The following TNRC6A variants were observed in gnomAD, a reference collection of about 807,000 sequenced individuals.
TNRC6A encodes the protein trinucleotide repeat containing adaptor 6A.
TNRC6A carries 44 observed loss-of-function variants against 221.2 expected under a neutral mutation model. The observed-to-expected ratio is 0.20, with a 90% CI of 0.16 to 0.26. TNRC6A has a LOEUF of 0.26. Ranked by LOEUF, TNRC6A falls within the 10% of genes least tolerant of loss-of-function variation. The pLI is 1.00. For missense variants in TNRC6A, 2,199 were observed against 2,404.4 expected (o/e 0.91, Z 1.79); for synonymous variants, 847 against 838.5 (o/e 1.01, Z -0.18).
intron 9 of TNRC6A, chr16:24,796,220 G>A: frequency 5.5e-6 from 2 of 362,754 alleles, no homozygotes; most frequent in Non-Finnish European, 9.9e-6. Context: ...AGAATTTTTA[G>A]GAAGAAGTGA....
chr16:24,712,328 T>G (rs2056220617), intron 2 of TNRC6A, among the ~76,000 whole-genome samples: 1 of 152,180 alleles, frequency 6.6e-6, no homozygotes, highest in Non-Finnish European at 1.5e-5. Flanking sequence ...TTGTGTTATT[T>G]TGCTGGTTGG....
chr16:24,781,995 T>C (rs2057859680), intron 5 of TNRC6A, among the ~76,000 whole-genome samples: 1 of 152,110 alleles, frequency 6.6e-6, no homozygotes, highest in Non-Finnish European at 1.5e-5. Context: ...GCTAATTTTT[T>C]GTATTTTTAG....
rs1567483473 is a variant in TNRC6A at position 24,791,542 on chromosome 16, G to C, written c.2900G>C (p.Gly967Ala). Residue 967 changes from glycine to alanine, a missense_variant, in exon 6 of 25, where the codon GGT becomes GCT. By Grantham distance (60) the Gly-to-Ala change is moderately conservative (BLOSUM62 0). Around this residue, in one of 8 missense-constraint regions of TNRC6A, gnomAD observed 1,405 missense variants for 1,400.2 expected, o/e 1.00. Coordinates refer to ENST00000395799, the MANE Select transcript of TNRC6A (RefSeq NM_014494.4). ...CCACCAGCTACAGGCAAACCTCCTGGTACAGGCTGGCTGGGGGGACCTATA... is the reference window on the plus strand; with the variant it reads ...CCACCAGCTACAGGCAAACCTCCTGCTACAGGCTGGCTGGGGGGACCTATA... ...GIPPATGKPP[G>A]TGWLGGPIPA... 1.3e-6 allele frequency: 2 copies of C among 1,545,146 alleles called. No homozygotes were observed. Among genetic ancestry groups the C allele is most frequent in the Non-Finnish European group, 1.7e-6 (2 of 1,150,706 alleles).
intron 3 of TNRC6A, among the ~76,000 whole-genome samples, chr16:24,755,412 G>A (rs898492070): frequency 6.6e-6 from 1 of 152,238 alleles, no homozygotes; most frequent in South Asian, 2.1e-4. Flanking sequence ...GATAGCAGCC[G>A]CCAGCGCCAC....
intron 4 of TNRC6A, among the ~76,000 whole-genome samples, chr16:24,758,830 G>A (rs1432253875): frequency 2.0e-5 from 3 of 151,934 alleles, no homozygotes; most frequent in African/African-American, 7.3e-5. Flanking sequence ...ATAGTAGATT[G>A]CAAACCTTAC....
intron 2 of TNRC6A, among the ~76,000 whole-genome samples, chr16:24,680,636 G>T (rs1440432819): frequency 1.3e-5 from 2 of 149,514 alleles, no homozygotes; most frequent in Non-Finnish European, 3.0e-5. Flanking sequence ...AGAATCACTT[G>T]AACCTGGAGG....
chr16:24,808,250 G>A (rs1402254584), intron 17 of TNRC6A, among the ~76,000 whole-genome samples: 1 of 152,236 alleles, frequency 6.6e-6, no homozygotes, highest in Non-Finnish European at 1.5e-5. Context: ...TAAGTTCTAA[G>A]CATAGGATTT....
intron 2 of TNRC6A, among the ~76,000 whole-genome samples, chr16:24,719,270 T>C (rs1295406813): frequency 1.3e-5 from 2 of 151,836 alleles, no homozygotes; most frequent in Admixed American, 6.6e-5. Flanking sequence ...CTTGTAATCA[T>C]AGCACTTTGG....
chr16:24,820,031 T>C (rs753474462), intron 21 of TNRC6A, 108 bp from the exon 22 acceptor site: 19 of 1,065,606 alleles, frequency 1.8e-5, no homozygotes, highest in Non-Finnish European at 2.4e-5. Flanking sequence ...TTAAAGTTTC[T>C]TTTGTTTGTT....
At chr16:24,767,502 C>A (rs2057498702) in intron 4 of TNRC6A, among the ~76,000 whole-genome samples, 1 of 152,152 alleles carries the variant, frequency 6.6e-6, no homozygotes, top group Non-Finnish European at 1.5e-5. Context: ...TGAAAAAATA[C>A]ACATCAGTAT....
rs370612206 is a variant in TNRC6A at position 24,674,841 on chromosome 16, T to C, written n.402+33832T>C. 2.4e-3 allele frequency among the ~76,000 whole-genome samples: 364 copies of C among 152,044 alleles called. 1 individual carries two copies. Among genetic ancestry groups the C allele is most frequent in the African/African-American group, 7.7e-3 (319 of 41,502 alleles). ...CAAAGTAACCATCTCTGTCAAGCCA[T>C]CCAAATTCTCCACCCACCAGGCAGT... On this transcript the variant is annotated intron_variant and non_coding_transcript_variant, in intron 2 of 2. Coordinates refer to the TNRC6A transcript ENST00000566108.
At chr16:24,686,175 T>G (rs946174515) in intron 2 of TNRC6A, among the ~76,000 whole-genome samples, 1 of 152,178 alleles carries the variant, frequency 6.6e-6, no homozygotes, top group Non-Finnish European at 1.5e-5. Context: ...CGATTTCCTG[T>G]CCTGGTTTTC....
At chr16:24,778,270 C>A in intron 5 of TNRC6A, 1 of 984,968 alleles carries the variant, frequency 1.0e-6, no homozygotes, top group Non-Finnish European at 1.2e-6. Flanking sequence ...TAGTTACTCA[C>A]TTTCTATACC....
At chr16:24,694,841 G>A (rs1318114303) in intron 2 of TNRC6A, among the ~76,000 whole-genome samples, 3 of 152,012 alleles carry the variant, frequency 2.0e-5, no homozygotes, top group Non-Finnish European at 4.4e-5. Flanking sequence ...GCTGAGGCAG[G>A]AGGATCATTT....
At chr16:24,785,760 A>G (rs2080846424) in intron 5 of TNRC6A, among the ~76,000 whole-genome samples, 1 of 152,172 alleles carries the variant, frequency 6.6e-6, no homozygotes, top group African/African-American at 2.4e-5. Flanking sequence ...TTCGATGGCC[A>G]ATCTTGTTTT....
chr16:24,643,061 A>T (rs1596579718), intron 2 of TNRC6A, among the ~76,000 whole-genome samples: 3 of 137,584 alleles, frequency 2.2e-5, no homozygotes, highest in East Asian at 2.0e-4. Flanking sequence ...TATATATAAC[A>T]TATATATTAT....
intron 2 of TNRC6A, among the ~76,000 whole-genome samples, chr16:24,706,979 T>TTA (rs1555492074): frequency 1.4e-5 from 2 of 140,440 alleles, no homozygotes; most frequent in African/African-American, 5.6e-5. Flanking sequence ...ATTTATCTAT[T>TTA]TTTATTTATG....
At chr16:24,670,003 G>A (rs554515227) in intron 2 of TNRC6A, among the ~76,000 whole-genome samples, 3 of 118,534 alleles carry the variant, frequency 2.5e-5, no homozygotes, top group African/African-American at 9.8e-5. Flanking sequence ...AGGCTGGAGT[G>A]CAATGGCGTG....
chr16:24,712,951 G>A (rs1274710803), intron 2 of TNRC6A, among the ~76,000 whole-genome samples: 1 of 123,434 alleles, frequency 8.1e-6, no homozygotes, highest in Non-Finnish European at 1.9e-5. Context: ...GTGTGTGTGT[G>A]TGTGTGTATA....
Sources: allele counts gnomAD v4.1 joint callset (sites outside exome capture counted in the v4.1 genomes callset), GRCh38; gene constraint gnomAD v4.1.1; regional missense constraint gnomAD v4.1.1; transcripts MANE v1.5; gene names NCBI Gene and HGNC (gene_info 2026-07-23, HGNC 2026-07-21).